The following RGPD4 variants were observed in gnomAD, a reference collection of about 807,000 sequenced individuals.
RGPD4 encodes ranBP2-like and GRIP domain-containing protein 4.
Under a neutral mutation model 141.1 loss-of-function variants are expected in RGPD4, and 84 were observed. The observed-to-expected ratio is 0.60, with a 90% CI of 0.50 to 0.71. RGPD4 has a LOEUF of 0.71. Among genes scored for constraint, RGPD4 ranks in the 30% least tolerant of loss-of-function variants. RGPD4 has a pLI of 0.00. For missense variants in RGPD4, 918 were observed against 1,622.4 expected (o/e 0.57, Z 7.46); for synonymous variants, 298 against 566.8 (o/e 0.53, Z 6.74).
chr2:107,865,671 A>G (rs1273185917), intron 17 of RGPD4, among the ~76,000 whole-genome samples: 1 of 151,990 alleles, frequency 6.6e-6, no homozygotes, highest in Admixed American at 6.6e-5. Flanking sequence ...TAAGTTTTGT[A>G]TTAACGAATG....
rs1419887392 is a variant in RGPD4, at chr2:107,871,040, C to T, written c.3036C>T (p.Ala1012=). ...KLFSSQCGKM[A]NKANTSGDFE... is the part of the protein sequence containing the mutation. ...TCTCATCACAATGCGGTAAAATGGC[C>T]AATAAAGCAAACACTTCCGGTGACT... Residue 1012 remains alanine, a synonymous_variant, in exon 20 of 23, where the codon GCC becomes GCT. Coordinates refer to ENST00000408999, the MANE Select transcript of RGPD4 (RefSeq NM_182588.3). 1 of 1,610,762 alleles carries T rather than the reference C, an allele frequency of 6.2e-7. No individual in the cohort carries two copies. Among genetic ancestry groups the T allele is most frequent in the Non-Finnish European group, 8.5e-7 (1 of 1,179,762 alleles).
At chr2:107,831,669 G>A (rs1164336421) in intron 1 of RGPD4, among the ~76,000 whole-genome samples, 13 of 125,082 alleles carry the variant, frequency 1.0e-4, no homozygotes, top group Admixed American at 3.5e-4. Flanking sequence ...TCTGCCTCCC[G>A]GGTTCACACC....
At position 107,871,876 on chromosome 2, in the gene RGPD4, G is replaced by C. The variant is rs775307403; in HGVS notation, c.3872G>C (p.Gly1291Ala). 6.2e-7 allele frequency: 1 copy of C among 1,611,626 alleles called. No individual in the cohort carries two copies. The highest frequency in any genetic ancestry group is 8.5e-7 in the Non-Finnish European group (1 of 1,179,866). The change falls in exon 20 of 23, where the codon GGA becomes GCA. Residue 1291 changes from glycine to alanine, a missense_variant. Physicochemically the swap from Gly to Ala is moderately conservative, Grantham distance 60 (BLOSUM62 0). Transcript: ENST00000408999. ...TTCCATTTTGGTGAGTCAACAACAG[G>C]ATCTAACTTCAGTTTTAAATCTGCT... is the stretch of plus-strand genomic sequence containing the variant. ...NLFHFGESTT[G>A]SNFSFKSALS...
chr2:107,883,820 G>A (rs1335909272), intron 22 of RGPD4, among the ~76,000 whole-genome samples: 7 of 151,842 alleles, frequency 4.6e-5, no homozygotes, highest in Admixed American at 6.6e-5. Flanking sequence ...TTTTATTTTT[G>A]ACATTTACAA....
rs1682266678 is a variant in RGPD4, at chr2:107,855,234, TC to T, written c.1066+592del. 4.7e-5 allele frequency among the ~76,000 whole-genome samples: 5 copies of T among 106,174 alleles called. No individual in the cohort carries two copies. In the South Asian group the frequency reaches 2.0e-3, roughly 43 times the overall value. 69.7% of individuals were successfully genotyped at this position (106,174 alleles called of 152,430 possible). On this transcript the variant is annotated intron_variant, in intron 8 of 22. Transcript: ENST00000408999. ...AGTGAACTGAAGAAACATAATGCTT[TC>T]TATAAGGAGCAGTTCTGATATAAAA...
chr2:107,833,772 C>T (rs1237295042), intron 1 of RGPD4, among the ~76,000 whole-genome samples: 4 of 152,108 alleles, frequency 2.6e-5, no homozygotes, highest in African/African-American at 9.7e-5. Flanking sequence ...GGCTCCGTGG[C>T]TGACGCCTGT....
intron 22 of RGPD4, among the ~76,000 whole-genome samples, chr2:107,884,214 G>A (rs539693197): frequency 5.9e-5 from 9 of 152,136 alleles, no homozygotes; most frequent in African/African-American, 1.4e-4. Context: ...GGATTCAAGC[G>A]ATTCTCCTGC....
chr2:107,849,688 T>G (rs58844711), intron 7 of RGPD4, among the ~76,000 whole-genome samples: 3,363 of 99,618 alleles, frequency 0.034, 244 homozygotes, highest in African/African-American at 0.14. Flanking sequence ...TTTTTTTTTT[T>G]TAATGAGCCT....
intron 21 of RGPD4, among the ~76,000 whole-genome samples, chr2:107,880,555 A>C (rs1048127277): frequency 1.3e-5 from 2 of 151,760 alleles, no homozygotes; most frequent in African/African-American, 4.9e-5. Flanking sequence ...GAGCCACTGC[A>C]TCCAGCCAAA....
chr2:107,855,148 A>G (rs1362257891), intron 8 of RGPD4, among the ~76,000 whole-genome samples: 1 of 90,358 alleles, frequency 1.1e-5, no homozygotes, highest in East Asian at 2.8e-4. Context: ...TCTGTTGCGT[A>G]TTACCTGTGA....
At chr2:107,865,563 A>G (rs1682698593) in intron 17 of RGPD4, among the ~76,000 whole-genome samples, 1 of 151,722 alleles carries the variant, frequency 6.6e-6, no homozygotes, top group African/African-American at 2.4e-5. Context: ...TCTTGGCTGG[A>G]GGTGAACGTC....
At chr2:107,890,585 C>CG (rs1359337378) in intron 22 of RGPD4, 136 bp from the exon 23 acceptor site, 1 of 291,376 alleles carries the variant, frequency 3.4e-6, no homozygotes, top group African/African-American at 2.5e-5. Context: ...AACCCCCCCC[C>CG]CCCAACAAAA....
At chr2:107,827,426 G>A (rs1347785215) in intron 1 of RGPD4, among the ~76,000 whole-genome samples, 1 of 55,680 alleles carries the variant, frequency 1.8e-5, no homozygotes, top group Non-Finnish European at 3.6e-5. Context: ...CGGCCCGGCC[G>A]CGGCCGCGAT....
intron 1 of RGPD4, among the ~76,000 whole-genome samples, chr2:107,830,483 G>A (rs1234133001): frequency 6.6e-6 from 1 of 152,128 alleles, no homozygotes; most frequent in Admixed American, 6.6e-5. Flanking sequence ...TAAATAAAGT[G>A]GAGTGGTGGC....
chr2:107,829,841 A>G lies in RGPD4; in HGVS notation c.72+2756A>G, dbSNP rs2581033. Among the ~76,000 whole-genome samples, 551 of 150,962 alleles carry G rather than the reference A, an allele frequency of 3.6e-3. 6 individuals are homozygous for G. Among genetic ancestry groups the G allele is most frequent in the African/African-American group, 0.011 (438 of 40,516 alleles). On this transcript the variant is annotated intron_variant, in intron 1 of 22. Coordinates refer to ENST00000408999, the MANE Select transcript of RGPD4 (RefSeq NM_182588.3). ...CGCGCAGCCTGGTTCTCGGGGGCTT[A>G]GGCACCCGGGTGCTGTATCGGCGGG...
intron 1 of RGPD4, among the ~76,000 whole-genome samples, chr2:107,834,648 G>T (rs1463834052): frequency 1.3e-5 from 2 of 150,674 alleles, no homozygotes; most frequent in Non-Finnish European, 3.0e-5. Context: ...GAGTAGCGAT[G>T]CTGGCAGTTC....
At chr2:107,863,185 A>T (rs1682612108) in intron 17 of RGPD4, among the ~76,000 whole-genome samples, 153 bp downstream of exon 17, 1 of 62,384 alleles carries the variant, frequency 1.6e-5, no homozygotes, top group Admixed American at 1.3e-4. Flanking sequence ...TTTTTTTTTT[A>T]AGGCAGGGTC....
At position 107,827,007 on chromosome 2, in the gene RGPD4, T is replaced by C. The variant is rs1195597964; in HGVS notation, c.-7T>C. On this transcript the variant is annotated 5_prime_UTR_variant, in exon 1 of 23. Coordinates refer to ENST00000408999, the MANE Select transcript of RGPD4 (RefSeq NM_182588.3). ...TCACGCGTCTCGGGAGCCAGGTTGG[T>C]GGCGCGATGAGTTGCAGCAAGGCCT... 1.3e-5 allele frequency: 20 copies of C among 1,597,162 alleles called. No homozygotes were observed. Among genetic ancestry groups the C allele is most frequent in the Non-Finnish European group, 1.7e-5 (20 of 1,173,564 alleles).
chr2:107,879,952 G>A lies in RGPD4; in HGVS notation c.4925-16G>A. 8 of 1,610,400 alleles carry A rather than the reference G, an allele frequency of 5.0e-6. No individual in the cohort carries two copies. Among genetic ancestry groups the A allele is most frequent in the Non-Finnish European group, 6.8e-6 (8 of 1,179,424 alleles). On this transcript the variant is annotated splice_polypyrimidine_tract_variant and intron_variant, in intron 20 of 22. Transcript: ENST00000408999. Reference sequence around the variant, plus strand: ...GTATGATTTTGAAAATTAATTCTTGGAACAACATGTTGCAGAGCCTCCATT... The same window carrying A: ...GTATGATTTTGAAAATTAATTCTTGAAACAACATGTTGCAGAGCCTCCATT...
Sources: gnomAD v4.1 joint callset for allele counts (sites outside exome capture counted in the v4.1 genomes callset) on GRCh38, gnomAD v4.1.1 for gene constraint, MANE v1.5 for transcripts, NCBI Gene and HGNC (gene_info 2026-07-23, HGNC 2026-07-21) for gene names.